Variants in DYNLT2 observed in about 807,000 individuals in gnomAD.
The protein encoded by DYNLT2 is dynein light chain Tctex-type 2.
In DYNLT2, 24 loss-of-function variants were observed where a neutral mutation model predicts 24.3. The observed-to-expected ratio is 0.99, with a 90% CI of 0.71 to 1.39. The LOEUF (loss-of-function observed/expected upper bound fraction) is 1.39. Among genes scored for constraint, DYNLT2 ranks in the 40% most tolerant of loss-of-function variants. The pLI is 0.00. For missense variants in DYNLT2, 246 were observed against 234.5 expected, an observed-to-expected ratio of 1.05 and a Z score of -0.32; for synonymous variants, 85 against 85.4, an observed-to-expected ratio of 1.00 and a Z score of 0.03.
chr6:169,742,779 A>T (rs968990428), intron 3 of DYNLT2, among the ~76,000 whole-genome samples: 5 of 152,038 alleles, frequency 3.3e-5, no homozygotes, highest in Non-Finnish European at 5.9e-5. Context: ...TTGTATTTTT[A>T]GTAGAGACGG....
At chr6:169,751,189 A>G in intron 1 of DYNLT2, 150 bp downstream of exon 1, 1 of 1,273,900 alleles carries the variant, frequency 7.8e-7, no homozygotes, top group Non-Finnish European at 1.1e-6. Context: ...TCAGGCTTCA[A>G]TTTCGCATCT....
downstream of DYNLT2, among the ~76,000 whole-genome samples, chr6:169,736,283 T>C (rs908088564): frequency 1.3e-5 from 2 of 152,214 alleles, no homozygotes; most frequent in South Asian, 4.1e-4. Context: ...TGCCTGTCTG[T>C]GTCTTTTAAT....
chr6:169,726,400 A>G, the DYNLT2 span, among the ~76,000 whole-genome samples: 1 of 152,258 alleles, frequency 6.6e-6, no homozygotes, highest in Non-Finnish European at 1.5e-5. Context: ...AAAGACAGGT[A>G]AGAAAGACAC....
At chr6:169,749,413 C>T (rs1212362682) in intron 1 of DYNLT2, 1 of 152,214 alleles carries the variant, frequency 6.6e-6, no homozygotes, top group Non-Finnish European at 1.5e-5. Context: ...TTAAGAATTT[C>T]AATGCATGTG....
At chr6:169,751,239 G>C (rs1790035468) in intron 1 of DYNLT2, 100 bp downstream of exon 1, 3 of 1,495,814 alleles carry the variant, frequency 2.0e-6, no homozygotes, top group Admixed American at 4.4e-5. Flanking sequence ...CTGCCTCCTT[G>C]GCTCTGGGGG....
chr6:169,744,275 C>G lies in DYNLT2; in HGVS notation c.121-1G>C. 6.2e-7 allele frequency: 1 copy of G among 1,611,820 alleles called. No homozygotes were observed. Among genetic ancestry groups the G allele is most frequent in the Non-Finnish European group, 8.5e-7 (1 of 1,178,880 alleles). On this transcript the variant is annotated splice_acceptor_variant, in intron 1 of 3. Transcript: ENST00000366774. LOFTEE classifies it high-confidence loss of function. ...GTCTTTCTCTTAAAATCTGTGTATA[C>G]TGGAGGAGAAAGAGAGAGGGGAAGA... is the stretch of plus-strand genomic sequence containing the variant.
At chr6:169,731,702 GA>G in the DYNLT2 span, among the ~76,000 whole-genome samples, 337 of 152,290 alleles carry the variant, frequency 2.2e-3, no homozygotes, top group African/African-American at 7.5e-3. Flanking sequence ...AGATTTGAGA[GA>G]AGTGAGTACC....
At chr6:169,737,575 G>A (rs1789587495), downstream of DYNLT2, among the ~76,000 whole-genome samples, 1 of 152,040 alleles carries the variant, frequency 6.6e-6, no homozygotes, top group African/African-American at 2.4e-5. Flanking sequence ...CCCCTTTTCT[G>A]TAGGGCTGCT....
At chr6:169,749,143 A>C (rs1410095508) in intron 1 of DYNLT2, among the ~76,000 whole-genome samples, 2 of 152,074 alleles carry the variant, frequency 1.3e-5, no homozygotes, top group Admixed American at 1.3e-4. Context: ...TCTGTTGCCC[A>C]GGCTGGAGTG....
At chr6:169,737,896 GA>G (rs962622753), downstream of DYNLT2, among the ~76,000 whole-genome samples, 1 of 152,192 alleles carries the variant, frequency 6.6e-6, no homozygotes, top group African/African-American at 2.4e-5. Flanking sequence ...GGATTACTCA[GA>G]ACTACCAGGA....
Position 169,751,428 on chromosome 6 carries a change from T to C in DYNLT2, c.31A>G (p.Ser11Gly). MEKRGRGVKS[S>G]PIQTPNQTPQ... ...GTCTGGTTCGGGGTCTGGATGGGGC[T>C]CGACTTCACGCCTCGGCCTCGCTTC... The change falls in exon 1 of 4, where the codon AGC becomes GGC. Residue 11 changes from serine (S) to glycine (G), a missense_variant. By Grantham distance (56) the Ser-to-Gly change is moderately conservative (BLOSUM62 0). Coordinates refer to ENST00000366774, the MANE Select transcript of DYNLT2 (RefSeq NM_174910.3). 1 of 1,614,104 alleles carries C rather than the reference T, an allele frequency of 6.2e-7. No homozygotes were observed. The highest frequency in any genetic ancestry group is 8.5e-7 in the Non-Finnish European group (1 of 1,180,024).
downstream of DYNLT2, chr6:169,739,101 A>C (rs1789621437): frequency 6.6e-6 from 1 of 152,026 alleles, no homozygotes; most frequent in Non-Finnish European, 1.5e-5. Context: ...GGTTGTAATG[A>C]TGAAAATCAT....
At chr6:169,747,392 CTT>C (rs531771411) in intron 1 of DYNLT2, among the ~76,000 whole-genome samples, 652 of 141,582 alleles carry the variant, frequency 4.6e-3, no homozygotes, top group African/African-American at 0.018. Flanking sequence ...TCTTCCAGTA[CTT>C]TTTGTCTGTC....
rs750018599 is a variant in DYNLT2 at position 169,751,508 on chromosome 6, T to C, written c.-50A>G. On this transcript the variant is annotated 5_prime_UTR_variant, in exon 1 of 4. Coordinates refer to ENST00000366774, the MANE Select transcript of DYNLT2 (RefSeq NM_174910.3). ...ACCGCCTCCCCTTCACCGCCGGCGG[T>C]CAAACGCCCTAGCCAGTCCCGCGAG... 6.2e-7 allele frequency: 1 copy of C among 1,610,698 alleles called. No individual in the cohort carries two copies. The highest frequency in any genetic ancestry group is 8.5e-7 in the Non-Finnish European group (1 of 1,178,540).
In DYNLT2 at chr6:169,740,291, G is replaced by A. The variant is rs375109366; in HGVS notation, c.491C>T (p.Ala164Val). 5.5e-5 allele frequency: 88 copies of A among 1,609,794 alleles called. No individual in the cohort carries two copies. The African/African-American group carries it at 1.0e-3, about 19-fold the overall frequency. The change falls in exon 4 of 4, where the codon GCC becomes GTC. Residue 164 changes from alanine (A) to valine (V), a missense_variant. Transcript: ENST00000366774. ...IQKTGQAINI[A>V]SRWIWDIAWD... ...TGCAATGTCCCAGATCCATCTGCTG[G>A]CAATCTGTGAGAGAAATTTTGTAAA...
In DYNLT2 at chr6:169,751,459, C is replaced by T. The variant is rs374869481; in HGVS notation, c.-1G>A. 46 of 1,613,714 alleles carry T rather than the reference C, an allele frequency of 2.9e-5. No homozygotes were observed. Among genetic ancestry groups the T allele is most frequent in the Non-Finnish European group, 3.6e-5 (43 of 1,179,974 alleles). ...TCACGCCTCGGCCTCGCTTCTCCAT[C>T]TCGCTCTGTTCTCCAAGACGCCCAC... On this transcript the variant is annotated 5_prime_UTR_variant, in exon 1 of 4. Coordinates refer to ENST00000366774, the MANE Select transcript of DYNLT2 (RefSeq NM_174910.3).
rs2128337837 is a variant in DYNLT2 at position 169,751,322 on chromosome 6, G to A, written c.120+17C>T. On this transcript the variant is annotated intron_variant, in intron 1 of 3. Coordinates refer to ENST00000366774, the MANE Select transcript of DYNLT2 (RefSeq NM_174910.3). ...CGGACATAGCCGTCTCGGGCCCCTA[G>A]CAGTCTCCGCACTCACTGCCTCCTT... is the stretch of plus-strand genomic sequence containing the variant. The A allele has an allele frequency of 6.2e-7, 1 of 1,610,786 alleles. No individual in the cohort carries two copies. Among genetic ancestry groups the A allele is most frequent in the East Asian group, 2.2e-5 (1 of 44,816 alleles).
At chr6:169,749,019 C>G (rs574413097) in intron 1 of DYNLT2, among the ~76,000 whole-genome samples, 2 of 152,088 alleles carry the variant, frequency 1.3e-5, no homozygotes, top group Non-Finnish European at 2.9e-5. Flanking sequence ...TATATTGAGC[C>G]TACATATAGC....
chr6:169,727,820 C>T, the DYNLT2 span, among the ~76,000 whole-genome samples: 1 of 152,306 alleles, frequency 6.6e-6, no homozygotes, highest in South Asian at 2.1e-4. Flanking sequence ...GCCTCGGCCT[C>T]CCAAAGTGCT....
Sources: allele counts gnomAD v4.1 joint callset (sites outside exome capture counted in the v4.1 genomes callset), GRCh38; gene constraint gnomAD v4.1.1; transcripts MANE v1.5; gene names NCBI Gene and HGNC (gene_info 2026-07-23, HGNC 2026-07-21).